Variants in CATSPER4 observed in about 807,000 individuals in gnomAD.
CATSPER4 encodes the protein cation channel sperm associated 4.
CATSPER4 carries 46 observed loss-of-function variants against 54.4 expected under a neutral mutation model. That is an observed-to-expected ratio of 0.84 (90% CI 0.67 to 1.08). CATSPER4 has a LOEUF of 1.08. Ranked by LOEUF, CATSPER4 falls within the 50% of genes least tolerant of loss-of-function variation. The probability of loss-of-function intolerance (pLI) is 0.00; values close to 1 mark genes in which losing one functional copy is unlikely to be tolerated. For synonymous variants in CATSPER4, 230 were observed against 231.9 expected (o/e 0.99, Z 0.08); for missense variants, 574 against 612.8 (o/e 0.94, Z 0.67).
chr1:26,193,798 G>A lies in CATSPER4; in HGVS notation c.369G>A (p.Glu123=). 2.5e-6 allele frequency: 4 copies of A among 1,611,556 alleles called. No individual in the cohort carries two copies. Among genetic ancestry groups the A allele is most frequent in the Non-Finnish European group, 3.4e-6 (4 of 1,177,712 alleles). ...TNSYLDQKHY[E]LFSTIDDIVL... ...TGTCTCCCATGTAGAAACACTATGA[G>A]TTGTTCTCTACCATAGATGACATTG... Residue 123 remains glutamate, a synonymous_variant, in exon 3 of 10, where the codon GAG becomes GAA. Coordinates refer to ENST00000456354, the MANE Select transcript of CATSPER4 (RefSeq NM_198137.2).
At chr1:26,199,738 C>T in intron 6 of CATSPER4, 146 bp from the exon 7 acceptor site, 1 of 828,012 alleles carries the variant, frequency 1.2e-6, no homozygotes, top group Non-Finnish European at 1.9e-6. Context: ...GCTATTGAGA[C>T]AGGAGTAGGG....
intron 2 of CATSPER4, 137 bp from the exon 3 acceptor site, chr1:26,193,650 G>A: frequency 1.4e-6 from 1 of 721,076 alleles, no homozygotes; most frequent in Non-Finnish European, 2.5e-6. Context: ...TTTAAAGGAA[G>A]TGACAAGGTT....
rs61776651 is a variant in CATSPER4 at position 26,198,029 on chromosome 1, G to A, written c.630G>A (p.Ser210=). The A allele has an allele frequency of 0.11, 171,706 of 1,614,006 alleles. 10,447 individuals are homozygous for A. The highest frequency in any genetic ancestry group is 0.12 in the Non-Finnish European group (145,327 of 1,179,956). ...LARIIRVILQ[S]VPDMANIMVL... The stretch of plus-strand genomic sequence containing the variant: ...GGATCATCCGCGTCATCCTGCAGTC[G>A]GTGCCTGACATGGCCAATATCATGG... Residue 210 remains serine (S), a synonymous_variant, in exon 5 of 10, where the codon TCG becomes TCA. Transcript: ENST00000456354.
In CATSPER4 at chr1:26,196,014, C is replaced by T. The variant is rs746150010; in HGVS notation, c.460-1672C>T. ...ACAATAATCAGCAAATATGTATATA[C>T]CCTCGATCTTCCGTTTCCTAACAGT... is the stretch of plus-strand genomic sequence containing the variant. On this transcript the variant is annotated intron_variant, in intron 3 of 9. Transcript: ENST00000456354. 3.0e-4 allele frequency among the ~76,000 whole-genome samples: 45 copies of T among 152,146 alleles called. 2 individuals carry two copies. Among genetic ancestry groups the T allele is most frequent in the Admixed American group, 2.6e-3 (39 of 15,272 alleles).
chr1:26,202,012 G>C lies in CATSPER4; in HGVS notation c.1366-477G>C, dbSNP rs367852195. On this transcript the variant is annotated intron_variant, in intron 9 of 9. Coordinates refer to ENST00000456354, the MANE Select transcript of CATSPER4 (RefSeq NM_198137.2). ...CTGTCTGCCTCTTAAACTTCCATCT[G>C]CCTCAGCTGTCACTGCCTATCTGGT... 1.1e-4 allele frequency among the ~76,000 whole-genome samples: 16 copies of C among 152,116 alleles called. No homozygotes were observed. The East Asian group carries it at 1.2e-3, about 11-fold the overall frequency.
rs752816110 is a variant in CATSPER4 at position 26,198,408 on chromosome 1, C to T, written c.801C>T (p.Tyr267=). ...CCCAGGACGGCTGGGTGGACATCTA[C>T]AGTGACTTCCAGTGAGTGCCAGTGG... ...CITQDGWVDI[Y]SDFQTEKREY... The change falls in exon 6 of 10, where the codon TAC becomes TAT. Residue 267 remains tyrosine, a synonymous_variant. Transcript: ENST00000456354. The T allele has an allele frequency of 1.5e-5, 25 of 1,614,030 alleles. 1 individual carries two copies. The highest frequency in any genetic ancestry group is 2.0e-5 in the Non-Finnish European group (24 of 1,180,036).
At chr1:26,201,981 A>G (rs948667679) in intron 9 of CATSPER4, among the ~76,000 whole-genome samples, 1 of 151,940 alleles carries the variant, frequency 6.6e-6, no homozygotes, top group South Asian at 2.1e-4. Context: ...GAGCCACTGC[A>G]CCTGGCTGTC....
intron 5 of CATSPER4, 38 bp downstream of exon 5, chr1:26,198,115 C>G: frequency 3.7e-6 from 6 of 1,614,178 alleles, no homozygotes; most frequent in Non-Finnish European, 4.2e-6. Flanking sequence ...TTTCCCTTCC[C>G]TGAACAGGGC....
At position 26,191,481 on chromosome 1, in the gene CATSPER4, G is replaced by A. The variant is rs925016821; in HGVS notation, c.357+51G>A. The A allele has an allele frequency of 7.5e-6, 12 of 1,602,592 alleles. No homozygotes were observed. The African/African-American group carries it at 1.3e-4, about 18-fold the overall frequency. ...CCACTAACCCTAATGGGGGGCCTGG[G>A]GCAAGAACTCTTCCGGCCTCAGGCT... On this transcript the variant is annotated intron_variant, in intron 2 of 9. Coordinates refer to ENST00000456354, the MANE Select transcript of CATSPER4 (RefSeq NM_198137.2).
Position 26,198,391 on chromosome 1 carries a change from G to A in CATSPER4, c.784G>A (p.Gly262Ser), listed in dbSNP as rs1267577595. ...YTLFICITQD[G>S]WVDIYSDFQT... ...CCTCTTCATCTGCATCACCCAGGAC[G>A]GCTGGGTGGACATCTACAGTGACTT... The change falls in exon 6 of 10, where the codon GGC becomes AGC. Residue 262 changes from glycine to serine, a missense_variant. Physicochemically the swap from Gly to Ser is moderately conservative, Grantham distance 56. Coordinates refer to ENST00000456354, the MANE Select transcript of CATSPER4 (RefSeq NM_198137.2). 2.0e-5 allele frequency: 32 copies of A among 1,614,026 alleles called. No individual in the cohort carries two copies. The highest frequency in any genetic ancestry group is 3.3e-5 in the Admixed American group (2 of 60,002).
At chr1:26,200,102 A>G (rs1252670428) in intron 7 of CATSPER4, 44 bp downstream of exon 7, 1 of 1,587,660 alleles carries the variant, frequency 6.3e-7, no homozygotes, top group Admixed American at 1.8e-5. Flanking sequence ...AGGAGTGTGT[A>G]TGAGAGCGGA....
In CATSPER4 at chr1:26,198,089, C is replaced by A; in HGVS notation, c.678+12C>A. Reference sequence around the variant, plus strand: ...TCTTCTTCATGCTGGTCAGTGCCTGCCCCCGCCCCCAGCTGTTTCCCTTCC... The same window carrying A: ...TCTTCTTCATGCTGGTCAGTGCCTGACCCCGCCCCCAGCTGTTTCCCTTCC... On this transcript the variant is annotated intron_variant, in intron 5 of 9. Transcript: ENST00000456354. The A allele has an allele frequency of 6.2e-7, 1 of 1,614,136 alleles. No individual in the cohort carries two copies.
chr1:26,200,388 G>A (rs2088993362), intron 7 of CATSPER4, among the ~76,000 whole-genome samples: 2 of 152,124 alleles, frequency 1.3e-5, no homozygotes, highest in African/African-American at 4.8e-5. Context: ...ATTTTATGAG[G>A]GTTAATGGGT....
At chr1:26,197,644 G>A (rs1569906448) in intron 3 of CATSPER4, 42 bp from the exon 4 acceptor site, 1 of 1,425,612 alleles carries the variant, frequency 7.0e-7, no homozygotes, top group South Asian at 1.2e-5. Flanking sequence ...GCCCCCATGG[G>A]CTGGGCCTGA....
At chr1:26,194,914 G>A (rs944909495) in intron 3 of CATSPER4, among the ~76,000 whole-genome samples, 2 of 152,036 alleles carry the variant, frequency 1.3e-5, no homozygotes, top group Non-Finnish European at 2.9e-5. Context: ...GTGAAACCTC[G>A]TCTCTACTAA....
chr1:26,192,788 A>G (rs530365838), intron 2 of CATSPER4, among the ~76,000 whole-genome samples: 8 of 152,010 alleles, frequency 5.3e-5, no homozygotes, highest in Non-Finnish European at 1.2e-4. Flanking sequence ...TCCAGTGGCC[A>G]TATGTGACAG....
intron 3 of CATSPER4, among the ~76,000 whole-genome samples, chr1:26,196,172 G>C (rs1016736855): frequency 9.1e-6 from 1 of 109,296 alleles, no homozygotes; most frequent in African/African-American, 3.7e-5. Flanking sequence ...CTTTAGAGAT[G>C]AGGTCTTGCT....
At position 26,200,838 on chromosome 1, in the gene CATSPER4, A is replaced by C. The variant is rs1009240471; in HGVS notation, c.996A>C (p.Ala332=). The C allele has an allele frequency of 1.9e-6, 3 of 1,613,414 alleles. No homozygotes were observed. In the African/African-American group the frequency reaches 4.0e-5, roughly 22 times the overall value. ...TATCCCCCGCTTCCCAGACAGGCGCAGAGGAAGAGGAGGAGAATGACCAGC... is the reference window on the plus strand; with the variant it reads ...TATCCCCCGCTTCCCAGACAGGCGCCGAGGAAGAGGAGGAGAATGACCAGC... The part of the protein sequence containing the change: ...QQRITFSETG[A]EEEEENDQLP... Residue 332 remains alanine (A), a synonymous_variant, in exon 8 of 10, where the codon GCA becomes GCC. Coordinates refer to ENST00000456354, the MANE Select transcript of CATSPER4 (RefSeq NM_198137.2).
rs767267530 is a variant in CATSPER4, at chr1:26,200,013, G to C, written c.942G>C (p.Met314Ile). 1.2e-6 allele frequency: 2 copies of C among 1,614,008 alleles called. No individual in the cohort carries two copies. Among genetic ancestry groups the C allele is most frequent in the South Asian group, 2.2e-5 (2 of 91,054 alleles). Residue 314 changes from methionine (M) to isoleucine (I), a missense_variant, in exon 7 of 10, where the codon ATG (methionine) becomes ATC (isoleucine). Physicochemically the swap from Met to Ile is conservative, Grantham distance 10 (BLOSUM62 1). Coordinates refer to ENST00000456354, the MANE Select transcript of CATSPER4 (RefSeq NM_198137.2). The stretch of plus-strand genomic sequence containing the variant: ...TGACCACCAACCTGGAGCAAATGAT[G>C]AAGGCAGGAGAGCAGGGACAACAGC... ...IVVTTNLEQM[M>I]KAGEQGQQQR...
Sources: allele counts gnomAD v4.1 joint callset (sites outside exome capture counted in the v4.1 genomes callset), GRCh38; gene constraint gnomAD v4.1.1; transcripts MANE v1.5; gene names NCBI Gene and HGNC (gene_info 2026-07-23, HGNC 2026-07-21).